The following PRLR variants were observed in gnomAD, a reference collection of about 807,000 sequenced individuals.
PRLR encodes prolactin receptor, also known as hPRL receptor.
In PRLR, 13 loss-of-function variants were observed where a neutral mutation model predicts 40.2. The observed-to-expected ratio is 0.32, with a 90% CI of 0.21 to 0.51. The LOEUF is 0.51. Among genes scored for constraint, PRLR ranks in the 20% least tolerant of loss-of-function variants. The probability of loss-of-function intolerance (pLI) is 0.97; values close to 1 mark genes in which losing one functional copy is unlikely to be tolerated. For synonymous variants in PRLR, 269 were observed against 278.7 expected (o/e 0.97, Z 0.35); for missense variants, 656 against 747.3 (o/e 0.88, Z 1.42).
chr5:35,168,043 C>T (rs11953869), intron 1 of PRLR, among the ~76,000 whole-genome samples: 20,205 of 151,604 alleles, frequency 0.13, 1,558 homozygotes, highest in African/African-American at 0.21. Flanking sequence ...ATAACACTAA[C>T]CTGAAGAAAG....
intron 1 of PRLR, among the ~76,000 whole-genome samples, chr5:35,190,906 C>G (rs575142842): frequency 3.4e-4 from 51 of 152,230 alleles, no homozygotes; most frequent in African/African-American, 1.2e-3. Flanking sequence ...TATAAGGAAG[C>G]TGGTAGGGTT....
At chr5:35,074,146 A>G (rs1207178950) in intron 5 of PRLR, among the ~76,000 whole-genome samples, 2 of 152,176 alleles carry the variant, frequency 1.3e-5, no homozygotes, top group Non-Finnish European at 2.9e-5. Flanking sequence ...CCAAATGTCC[A>G]TCAGTTGATG....
At chr5:35,182,752 C>A (rs1042417794) in intron 1 of PRLR, among the ~76,000 whole-genome samples, 3 of 152,178 alleles carry the variant, frequency 2.0e-5, no homozygotes, top group African/African-American at 7.2e-5. Flanking sequence ...CTAAGAAGGG[C>A]AGAGGCAGGA....
rs922107469 is a variant in PRLR, at chr5:35,064,799, C to A, written c.*290G>T. The A allele has an allele frequency of 3.0e-6, 1 of 334,888 alleles. No individual in the cohort carries two copies. Among genetic ancestry groups the A allele is most frequent in the Non-Finnish European group, 5.4e-6 (1 of 184,542 alleles). 20.7% of individuals were successfully genotyped at this position (334,888 alleles called of 1,614,324 possible). ...ATGAAAGCCTTTTCCAGAGGATATACCTATTGGCATTGTCCCTCAAGAATA... is the reference window on the plus strand; with the variant it reads ...ATGAAAGCCTTTTCCAGAGGATATAACTATTGGCATTGTCCCTCAAGAATA... On this transcript the variant is annotated 3_prime_UTR_variant, in exon 10 of 10. Coordinates refer to ENST00000618457, the MANE Select transcript of PRLR (RefSeq NM_000949.7).
chr5:35,088,740 A>C (rs2112471386), intron 3 of PRLR, among the ~76,000 whole-genome samples: 1 of 152,302 alleles, frequency 6.6e-6, no homozygotes, highest in East Asian at 1.9e-4. Context: ...ATGCCCACAC[A>C]GAGCCCGCAT....
At position 35,107,089 on chromosome 5, in the gene PRLR, A is replaced by G. The variant is rs186467002; in HGVS notation, c.-44+10972T>C. Among the ~76,000 whole-genome samples, 264 of 152,310 alleles carry G rather than the reference A, an allele frequency of 1.7e-3. 2 individuals are homozygous for G. The East Asian group carries it at 0.022, about 13-fold the overall frequency. On this transcript the variant is annotated intron_variant, in intron 2 of 9. Transcript: ENST00000618457. ...TAAGAAACTCACTCAAAACCACACA[A>G]CTACATGGAAACTGAACAACCTGCT... is the stretch of plus-strand genomic sequence containing the variant.
At chr5:35,085,440 C>T (rs1459483137) in intron 4 of PRLR, among the ~76,000 whole-genome samples, 1 of 152,186 alleles carries the variant, frequency 6.6e-6, no homozygotes, top group Non-Finnish European at 1.5e-5. Context: ...CCATGATTTT[C>T]AGGAGGGTCT....
chr5:35,170,241 G>A (rs1774960924), intron 1 of PRLR, among the ~76,000 whole-genome samples: 1 of 152,182 alleles, frequency 6.6e-6, no homozygotes, highest in South Asian at 2.1e-4. Context: ...TGAGTCTGAG[G>A]AAAATAACTG....
chr5:35,158,587 AAGGGTGAATATGTGCCC>A, intron 1 of PRLR, among the ~76,000 whole-genome samples: 1 of 152,226 alleles, frequency 6.6e-6, no homozygotes, highest in African/African-American at 2.4e-5. Flanking sequence ...TTGCCCAATG[AAGGGTGAATATGTGCCC>A]CTTGCTGGCA....
chr5:35,065,713 T>C lies in PRLR; in HGVS notation c.1245A>G (p.Thr415=), dbSNP rs911779974. 1 of 1,614,160 alleles carries C rather than the reference T, an allele frequency of 6.2e-7. No individual in the cohort carries two copies. Among genetic ancestry groups the C allele is most frequent in the Non-Finnish European group, 8.5e-7 (1 of 1,180,032 alleles). The part of the protein sequence containing the change: ...YFHAGGSKCS[T]WPLPQPSQHN... ...GCTGGCTGGGCTGTGGTAAGGGCCA[T>C]GTTGAACATTTGGATCCACCAGCAT... The change falls in exon 10 of 10, where the codon ACA becomes ACG. Residue 415 remains threonine, a synonymous_variant. Transcript: ENST00000618457.
At chr5:35,177,627 A>G (rs1244089855) in intron 1 of PRLR, among the ~76,000 whole-genome samples, 1 of 152,154 alleles carries the variant, frequency 6.6e-6, no homozygotes, top group Non-Finnish European at 1.5e-5. Context: ...TCTATGTTCT[A>G]GTATGTATCA....
At chr5:35,054,310 G>A (rs189557307), downstream of PRLR, among the ~76,000 whole-genome samples, 13 of 152,300 alleles carry the variant, frequency 8.5e-5, no homozygotes, top group Non-Finnish European at 1.2e-4. Context: ...ACCTCTAGGT[G>A]TATATTTTGG....
chr5:35,179,250 G>T (rs891270837), intron 1 of PRLR, among the ~76,000 whole-genome samples: 3 of 152,134 alleles, frequency 2.0e-5, no homozygotes, highest in African/African-American at 7.2e-5. Context: ...AATGTTTGCT[G>T]GGCAAATAAA....
At chr5:35,113,185 C>T (rs1772778253) in intron 2 of PRLR, among the ~76,000 whole-genome samples, 2 of 147,658 alleles carry the variant, frequency 1.4e-5, no homozygotes, top group Admixed American at 6.8e-5. Context: ...CATCCACCCA[C>T]CCATCTATCC....
At chr5:35,074,151 T>C (rs1769919505) in intron 5 of PRLR, among the ~76,000 whole-genome samples, 1 of 152,072 alleles carries the variant, frequency 6.6e-6, no homozygotes, top group Non-Finnish European at 1.5e-5. Flanking sequence ...TGTCCATCAG[T>C]TGATGAATGG....
At chr5:35,216,894 G>T (rs1776299971) in intron 1 of PRLR, among the ~76,000 whole-genome samples, 1 of 152,186 alleles carries the variant, frequency 6.6e-6, no homozygotes, top group Non-Finnish European at 1.5e-5. Flanking sequence ...CTGCCCTCAG[G>T]TAGCTTACAG....
At chr5:35,119,386 TCACACACACACA>T (rs58727265) in intron 1 of PRLR, among the ~76,000 whole-genome samples, 1 of 145,658 alleles carries the variant, frequency 6.9e-6, no homozygotes, top group African/African-American at 2.5e-5. Context: ...TCTCTCTCTC[TCACACACACACA>T]CACACACACA....
chr5:35,106,812 A>ATGTT (rs1772288859), intron 2 of PRLR, among the ~76,000 whole-genome samples: 1 of 152,188 alleles, frequency 6.6e-6, no homozygotes, highest in Non-Finnish European at 1.5e-5. Flanking sequence ...CATTAGACAG[A>ATGTT]TCGATGACAC....
At chr5:35,172,095 A>T (rs1165913183) in intron 1 of PRLR, among the ~76,000 whole-genome samples, 4 of 152,206 alleles carry the variant, frequency 2.6e-5, no homozygotes, top group African/African-American at 9.6e-5. Flanking sequence ...GGTTTCAGAA[A>T]ATGTGAGCAT....
Sources: allele counts gnomAD v4.1 joint callset (sites outside exome capture counted in the v4.1 genomes callset), GRCh38; gene constraint gnomAD v4.1.1; transcripts MANE v1.5; gene names NCBI Gene and HGNC (gene_info 2026-07-23, HGNC 2026-07-21).